The following ABCC1 variants were observed in gnomAD, a reference collection of about 807,000 sequenced individuals.
ABCC1 encodes the protein ATP binding cassette subfamily C member 1 (ABCC1 blood group).
A neutral mutation model predicts 172.9 loss-of-function variants in ABCC1; 83 were observed. That is an observed-to-expected ratio of 0.48 (90% CI 0.40 to 0.58). The LOEUF (loss-of-function observed/expected upper bound fraction) is 0.58, where lower values mean the gene tolerates loss of function less well. Ranked by LOEUF, ABCC1 falls within the 20% of genes least tolerant of loss-of-function variation. The pLI is 0.00. For synonymous variants in ABCC1, 937 were observed against 825.2 expected (o/e 1.14, Z -2.32); for missense variants, 1,817 against 2,002.7 (o/e 0.91, Z 1.77).
chr16:15,954,837 G>A (rs953513249), intron 1 of ABCC1, among the ~76,000 whole-genome samples: 1 of 152,178 alleles, frequency 6.6e-6, no homozygotes, highest in African/African-American at 2.4e-5. Context: ...ACAACTTTTA[G>A]GAACTGATCT....
At chr16:16,130,855 G>A (rs2045647228) in intron 26 of ABCC1, among the ~76,000 whole-genome samples, 1 of 152,198 alleles carries the variant, frequency 6.6e-6, no homozygotes, top group Non-Finnish European at 1.5e-5. Context: ...GGGCATGGTG[G>A]CTCACGCCTG....
intron 19 of ABCC1, among the ~76,000 whole-genome samples, chr16:16,090,934 C>G (rs545567407): frequency 1.7e-4 from 26 of 152,206 alleles, no homozygotes; most frequent in African/African-American, 5.8e-4. Flanking sequence ...AATTAAAGTC[C>G]TGGCTCTCGG....
intron 1 of ABCC1, among the ~76,000 whole-genome samples, chr16:15,988,273 T>C (rs1302794999): frequency 6.6e-6 from 1 of 152,158 alleles, no homozygotes; most frequent in African/African-American, 2.4e-5. Flanking sequence ...CTCTGAGTGC[T>C]TTTCATCACA....
Position 16,124,883 on chromosome 16 carries a change from TTGG to T in ABCC1, c.3689_3691del (p.Val1230del). On this transcript the variant is annotated inframe_deletion, in exon 25 of 31. Transcript: ENST00000399410. ...CTCCAGGCACAGCCTCAGTGCTGGC[TTGG>T]TGGGCCTCTCAGTGTCTTACTCATT... 6.2e-7 allele frequency: 1 copy of T among 1,614,216 alleles called. No individual in the cohort carries two copies. The highest frequency in any genetic ancestry group is 8.5e-7 in the Non-Finnish European group (1 of 1,180,040).
intron 7 of ABCC1, among the ~76,000 whole-genome samples, chr16:16,039,211 G>GTGTGTGTGTGTGTGTGTGTGTGTATGTA (rs1375510367): frequency 8.1e-6 from 1 of 122,994 alleles, no homozygotes; most frequent in Non-Finnish European, 1.6e-5. Flanking sequence ...GGAAGCTTTT[G>GTGTGTGTGTGTGTGTGTGTGTGTATGTA]TGTGTGTGTG....
intron 1 of ABCC1, among the ~76,000 whole-genome samples, chr16:15,994,810 C>A (rs961508498): frequency 6.6e-6 from 1 of 151,038 alleles, no homozygotes; most frequent in Non-Finnish European, 1.5e-5. Context: ...GTTGCCCAGG[C>A]TGGAGTGCAG....
chr16:16,031,750 C>G (rs367880090), intron 5 of ABCC1, among the ~76,000 whole-genome samples: 86 of 152,208 alleles, frequency 5.7e-4, no homozygotes, highest in African/African-American at 2.0e-3. Flanking sequence ...CTTCTCTGAC[C>G]TTCGTACACC....
chr16:16,108,720 C>G (rs2052255543), intron 21 of ABCC1, among the ~76,000 whole-genome samples: 1 of 151,844 alleles, frequency 6.6e-6, no homozygotes, highest in East Asian at 1.9e-4. Context: ...CTCAGCCTTC[C>G]AAGTAGCTGT....
chr16:16,064,719 C>T (rs2050050349), intron 12 of ABCC1, among the ~76,000 whole-genome samples: 1 of 152,220 alleles, frequency 6.6e-6, no homozygotes, highest in Admixed American at 6.5e-5. Context: ...TTATCCACTC[C>T]CACCCATCCA....
At chr16:15,971,697 C>A (rs961638717) in intron 1 of ABCC1, among the ~76,000 whole-genome samples, 1 of 152,100 alleles carries the variant, frequency 6.6e-6, no homozygotes. Context: ...GGAAGAATGG[C>A]GTGTCCATGT....
At chr16:16,059,264 A>G (rs2049803228) in intron 12 of ABCC1, among the ~76,000 whole-genome samples, 1 of 152,148 alleles carries the variant, frequency 6.6e-6, no homozygotes, top group South Asian at 2.1e-4. Context: ...TTAAATTTCG[A>G]GAGAGACTGG....
intron 30 of ABCC1, 44 bp from the exon 31 acceptor site, chr16:16,141,129 T>C (rs997418408): frequency 1.3e-6 from 2 of 1,566,920 alleles, no homozygotes; most frequent in Non-Finnish European, 1.8e-6. Context: ...CACGAGGTGC[T>C]CACCCCTCCC....
chr16:16,014,732 G>A, intron 4 of ABCC1, 104 bp downstream of exon 4: 1 of 1,397,606 alleles, frequency 7.2e-7, no homozygotes, highest in Non-Finnish European at 9.8e-7. Context: ...TGGGAACCAG[G>A]GGCTGGGTAC....
At position 16,083,927 on chromosome 16, in the gene ABCC1, T is replaced by G. The variant is rs530871851; in HGVS notation, c.2292+385T>G. On this transcript the variant is annotated intron_variant, in intron 17 of 30. Transcript: ENST00000399410. The stretch of plus-strand genomic sequence containing the variant: ...GGCAAGGGACCAAGAAGGAAGTACA[T>G]TCTACCTTTGTGGTCACATGACTGC... 3.3e-5 allele frequency among the ~76,000 whole-genome samples: 5 copies of G among 152,274 alleles called. No homozygotes were observed. In the East Asian group the frequency reaches 5.8e-4, roughly 18 times the overall value.
intron 13 of ABCC1, among the ~76,000 whole-genome samples, chr16:16,069,164 AAATAAAAAT>A (rs1189185438): frequency 7.6e-6 from 1 of 131,266 alleles, no homozygotes; most frequent in Non-Finnish European, 1.6e-5. Context: ...AAATAAAATA[AAATAAAAAT>A]AAATAAATAA....
chr16:16,007,031 G>T (rs1338333048), intron 1 of ABCC1, among the ~76,000 whole-genome samples: 2 of 152,156 alleles, frequency 1.3e-5, no homozygotes, highest in South Asian at 4.1e-4. Context: ...CACAAGGTCA[G>T]AGTGATCTAG....
intron 19 of ABCC1, among the ~76,000 whole-genome samples, chr16:16,095,688 T>C (rs999454029): frequency 3.9e-5 from 6 of 152,146 alleles, no homozygotes; most frequent in Non-Finnish European, 7.3e-5. Flanking sequence ...ATTTTATTTA[T>C]ATATTTTTAT....
chr16:16,022,201 A>T (rs1158498301), intron 5 of ABCC1, among the ~76,000 whole-genome samples: 2 of 152,126 alleles, frequency 1.3e-5, no homozygotes, highest in African/African-American at 2.4e-5. Flanking sequence ...CCTCCAGGCC[A>T]CTTCGTGCTG....
At chr16:16,054,618 G>A (rs1238299517) in intron 11 of ABCC1, among the ~76,000 whole-genome samples, 1 of 152,110 alleles carries the variant, frequency 6.6e-6, no homozygotes, top group African/African-American at 2.4e-5. Flanking sequence ...GGATGGGTGA[G>A]GCAGGGGCTT....
Sources: allele counts gnomAD v4.1 joint callset (sites outside exome capture counted in the v4.1 genomes callset), GRCh38; gene constraint gnomAD v4.1.1; transcripts MANE v1.5; gene names NCBI Gene and HGNC (gene_info 2026-07-23, HGNC 2026-07-21).